The following MTCL2 variants were observed in gnomAD, a reference collection of about 807,000 sequenced individuals.
MTCL2 encodes microtubule crosslinking factor 2.
chr20:36,786,686 C>T, the MTCL2 span: 1 of 1,485,816 alleles, frequency 6.7e-7, no homozygotes. Context: ...AGCCAGGAGA[C>T]ATGGACCACC....
the MTCL2 span, among the ~76,000 whole-genome samples, chr20:36,828,080 G>A: frequency 6.6e-6 from 1 of 152,220 alleles, no homozygotes; most frequent in South Asian, 2.1e-4. Context: ...CTCGCCCTCG[G>A]GGGAGGAAGG....
chr20:36,841,442 T>C, the MTCL2 span, among the ~76,000 whole-genome samples: 11 of 148,410 alleles, frequency 7.4e-5, no homozygotes, highest in African/African-American at 2.7e-4. Flanking sequence ...TTAGGGGACA[T>C]GATCAGGGAG....
the MTCL2 span, among the ~76,000 whole-genome samples, chr20:36,821,534 CA>C: frequency 6.6e-6 from 1 of 151,768 alleles, no homozygotes; most frequent in African/African-American, 2.4e-5. Context: ...GTCTCAAAAA[CA>C]AGAACAAAAA....
the MTCL2 span, among the ~76,000 whole-genome samples, chr20:36,804,582 T>G: frequency 1.3e-5 from 2 of 152,180 alleles, no homozygotes; most frequent in Admixed American, 1.3e-4. Context: ...CTGTGTGACT[T>G]TAGGCAAGTC....
chr20:36,842,588 A>C, the MTCL2 span, among the ~76,000 whole-genome samples: 1 of 152,224 alleles, frequency 6.6e-6, no homozygotes. Flanking sequence ...CCTGGCCAAC[A>C]TGGTGAAATC....
At chr20:36,817,103 C>G in the MTCL2 span, among the ~76,000 whole-genome samples, 3 of 151,782 alleles carry the variant, frequency 2.0e-5, no homozygotes, top group Admixed American at 2.0e-4. Context: ...CCTGTCTCTA[C>G]TAAAAATACA....
At chr20:36,786,231 G>A in the MTCL2 span, 6 of 1,151,252 alleles carry the variant, frequency 5.2e-6, no homozygotes, top group Non-Finnish European at 6.5e-6. Flanking sequence ...TGGATGCTTG[G>A]GAAGCCCAGG....
the MTCL2 span, among the ~76,000 whole-genome samples, chr20:36,802,363 T>C: frequency 6.6e-6 from 1 of 152,048 alleles, no homozygotes; most frequent in African/African-American, 2.4e-5. Context: ...CTATGGTAGG[T>C]GGTGCCTGGC....
At chr20:36,847,815 C>G in the MTCL2 span, among the ~76,000 whole-genome samples, 118 of 145,062 alleles carry the variant, frequency 8.1e-4, no homozygotes, top group African/African-American at 2.9e-3. Flanking sequence ...GATTGCACCA[C>G]TACACTCCAG....
the MTCL2 span, chr20:36,805,822 C>T: frequency 6.4e-7 from 1 of 1,561,772 alleles, no homozygotes. Flanking sequence ...TGAATGGACA[C>T]AACAGGACCG....
At chr20:36,812,451 C>T in the MTCL2 span, among the ~76,000 whole-genome samples, 1 of 152,096 alleles carries the variant, frequency 6.6e-6, no homozygotes, top group African/African-American at 2.4e-5. Flanking sequence ...TGTTAAATTC[C>T]CAGTGGAATT....
chr20:36,823,685 A>C, the MTCL2 span, among the ~76,000 whole-genome samples: 1 of 152,046 alleles, frequency 6.6e-6, no homozygotes, highest in African/African-American at 2.4e-5. Context: ...GCGTGCGCCT[A>C]TAGTCCCAAC....
At chr20:36,797,558 C>A in the MTCL2 span, 5 of 1,556,758 alleles carry the variant, frequency 3.2e-6, no homozygotes, top group African/African-American at 2.7e-5. Flanking sequence ...ACCCAGGGGT[C>A]GGCAGCCTTC....
chr20:36,796,080 A>T, the MTCL2 span, among the ~76,000 whole-genome samples: 1 of 152,188 alleles, frequency 6.6e-6, no homozygotes, highest in Non-Finnish European at 1.5e-5. Flanking sequence ...TTCTGTCCCA[A>T]ATAAACCATT....
the MTCL2 span, among the ~76,000 whole-genome samples, chr20:36,789,590 G>C: frequency 6.7e-6 from 1 of 150,000 alleles, no homozygotes; most frequent in South Asian, 2.1e-4. Context: ...GCTTGAGCCT[G>C]GGAGGCAGAG....
chr20:36,829,332 C>T, the MTCL2 span: 1 of 944,696 alleles, frequency 1.1e-6, no homozygotes, highest in Non-Finnish European at 1.5e-6. Flanking sequence ...GTTCCTATCG[C>T]ATCACTGCCA....
chr20:36,820,790 C>A, the MTCL2 span, among the ~76,000 whole-genome samples: 1 of 150,912 alleles, frequency 6.6e-6, no homozygotes, highest in Non-Finnish European at 1.5e-5. Context: ...TGCAGTGAGC[C>A]GAGATCACAC....
the MTCL2 span, among the ~76,000 whole-genome samples, chr20:36,846,853 C>A: frequency 6.6e-6 from 1 of 152,034 alleles, no homozygotes; most frequent in East Asian, 1.9e-4. Context: ...CAAAAAAATA[C>A]AAAAAAATTA....
chr20:36,855,215 C>T, the MTCL2 span, among the ~76,000 whole-genome samples: 1 of 152,226 alleles, frequency 6.6e-6, no homozygotes, highest in East Asian at 1.9e-4. Context: ...CTCACGGCAA[C>T]GTGCGGGGCA....
Sources: allele counts gnomAD v4.1 joint callset (sites outside exome capture counted in the v4.1 genomes callset), GRCh38; gene constraint gnomAD v4.1.1; transcripts MANE v1.5; gene names NCBI Gene and HGNC (gene_info 2026-07-23, HGNC 2026-07-21).